Variants in CHST4 observed in about 807,000 individuals in gnomAD.
CHST4 encodes the protein carbohydrate sulfotransferase 4, also known as GST-3.
For missense variants in CHST4, 466 were observed against 506.0 expected, an observed-to-expected ratio of 0.92 and a Z score of 0.76; for synonymous variants, 171 against 195.5, an observed-to-expected ratio of 0.87 and a Z score of 1.05.
intron 1 of CHST4, among the ~76,000 whole-genome samples, chr16:71,529,661 CACTT>C (rs1403890272): frequency 2.1e-5 from 3 of 142,444 alleles, no homozygotes; most frequent in Non-Finnish European, 4.5e-5. Context: ...TCTATTTACT[CACTT>C]ACTCATTTAT....
In CHST4 at chr16:71,538,452, A is replaced by G. The variant is rs2044010595; in HGVS notation, c.*614A>G. ...TATCACTTCCCCTCTGCATTTTCCC[A>G]TCACATAGAAGACTTTGACCTGTGA... is the stretch of plus-strand genomic sequence containing the variant. On this transcript the variant is annotated 3_prime_UTR_variant, in exon 2 of 2. Transcript: ENST00000539698. The G allele has an allele frequency of 6.0e-6, 1 of 167,250 alleles. No individual in the cohort carries two copies. The highest frequency in any genetic ancestry group is 1.5e-5 in the Non-Finnish European group (1 of 68,228). 10.4% of individuals were successfully genotyped at this position (167,250 alleles called of 1,614,324 possible).
chr16:71,533,237 T>C (rs2043961155), intron 1 of CHST4, among the ~76,000 whole-genome samples: 1 of 151,728 alleles, frequency 6.6e-6, no homozygotes, highest in Admixed American at 6.6e-5. Context: ...CCAGCCTGGC[T>C]AACATGGTGA....
upstream of CHST4, chr16:71,526,295 T>C (rs1253774921): frequency 6.6e-6 from 1 of 152,256 alleles, no homozygotes; most frequent in African/African-American, 2.4e-5. Flanking sequence ...GAGTGCTTTC[T>C]CAAGCCCGTC....
Position 71,536,917 on chromosome 16 carries a change from G to A in CHST4, c.240G>A (p.Met80Ile), listed in dbSNP as rs2043993319. The A allele has an allele frequency of 6.2e-7, 1 of 1,606,836 alleles. No homozygotes were observed. The highest frequency in any genetic ancestry group is 8.5e-7 in the Non-Finnish European group (1 of 1,175,120). Residue 80 changes from methionine to isoleucine, a missense_variant, in exon 2 of 2, where the codon ATG becomes ATA. Coordinates refer to ENST00000539698, the MANE Select transcript of CHST4 (RefSeq NM_001166395.2). ...YLMEPAWHVW[M>I]TFKQSTAWML... The stretch of plus-strand genomic sequence containing the variant: ...TGGAGCCCGCCTGGCACGTGTGGAT[G>A]ACCTTCAAGCAGAGCACCGCCTGGA...
At chr16:71,535,954 CTT>C (rs2043984812) in intron 1 of CHST4, among the ~76,000 whole-genome samples, 1 of 152,144 alleles carries the variant, frequency 6.6e-6, no homozygotes, top group Non-Finnish European at 1.5e-5. Flanking sequence ...TAGACGTAGA[CTT>C]TTCACTCTAC....
chr16:71,527,321 AGCCAAATATGAGTGACCATG>A (rs1182305365), intron 1 of CHST4, among the ~76,000 whole-genome samples: 1 of 152,232 alleles, frequency 6.6e-6, no homozygotes, highest in Non-Finnish European at 1.5e-5. Context: ...ATTTATTCTG[AGCCAAATATGAGTGACCATG>A]GCCGGTGACA....
intron 1 of CHST4, among the ~76,000 whole-genome samples, chr16:71,534,138 C>T (rs1401320894): frequency 6.6e-6 from 1 of 151,970 alleles, no homozygotes; most frequent in Non-Finnish European, 1.5e-5. Flanking sequence ...TCCTTTCCCT[C>T]CTGCATACAG....
At chr16:71,533,222 C>T (rs1193560124) in intron 1 of CHST4, among the ~76,000 whole-genome samples, 2 of 151,736 alleles carry the variant, frequency 1.3e-5, no homozygotes, top group Admixed American at 6.6e-5. Context: ...GTCAGGAGTT[C>T]GAGACCAGCC....
chr16:71,530,346 A>G (rs2043938784), intron 1 of CHST4, among the ~76,000 whole-genome samples: 1 of 152,210 alleles, frequency 6.6e-6, no homozygotes, highest in Non-Finnish European at 1.5e-5. Flanking sequence ...GAAGGGAGTG[A>G]CAGGAAATCA....
rs565739831 is a variant in CHST4, at chr16:71,538,014, T to C, written c.*176T>C. 3.2e-6 allele frequency: 2 copies of C among 633,034 alleles called. No individual in the cohort carries two copies. The highest frequency in any genetic ancestry group is 3.0e-5 in the Admixed American group (1 of 33,040). The allele number at this position is 633,034 out of a possible 1,614,324, so 39.2% of individuals were successfully genotyped here. ...GGACTTTTGTGTCCATGCTTGTGTC[T>C]AGAAAACAGACTGGGGAACCTTATG... On this transcript the variant is annotated 3_prime_UTR_variant, in exon 2 of 2. Transcript: ENST00000539698.
At position 71,537,273 on chromosome 16, in the gene CHST4, A is replaced by G. The variant is rs769477251; in HGVS notation, c.596A>G (p.His199Arg). Residue 199 changes from histidine to arginine, a missense_variant, in exon 2 of 2, where the codon CAT (histidine) becomes CGT (arginine). His to Arg is a conservative substitution (Grantham distance 29). Coordinates refer to ENST00000539698, the MANE Select transcript of CHST4 (RefSeq NM_001166395.2). The surrounding 1 kb of genome is among the most constrained non-coding windows in gnomAD (Gnocchi z 4.2). The stretch of plus-strand genomic sequence containing the variant: ...CTGAAAGACCCCTCCCTCAACCTGC[A>G]TATCGTGCACCTGGTCCGGGACCCC... ...PLLKDPSLNLHIVHLVRDPRA... is the reference protein window; with the variant it reads ...PLLKDPSLNLRIVHLVRDPRA... 16 of 1,613,990 alleles carry G rather than the reference A, an allele frequency of 9.9e-6. No individual in the cohort carries two copies. The highest frequency in any genetic ancestry group is 1.7e-5 in the Admixed American group (1 of 59,982).
At position 71,537,795 on chromosome 16, in the gene CHST4, TG is replaced by T. The variant is rs761244699; in HGVS notation, c.1120del (p.Asp374IlefsTer32). 9 of 1,614,106 alleles carry T rather than the reference TG, an allele frequency of 5.6e-6. No homozygotes were observed. The South Asian group carries it at 9.9e-5, about 18-fold the overall frequency. On this transcript the variant is annotated frameshift_variant, in exon 2 of 2. Transcript: ENST00000539698. LOFTEE classifies it low-confidence loss of function (END_TRUNC). This position sits in a 1 kb window ranked among gnomAD's most constrained non-coding sequence, Gnocchi z 4.2. ...RSEQEQRNLL[L>X]DLLSTWTVPE... ...GAACAAGAACAGAGAAACCTGTTGC[TG>T]GATCTTCTGTCTACCTGGACTGTCC... is the stretch of plus-strand genomic sequence containing the variant.
chr16:71,528,927 C>G (rs930836145), intron 1 of CHST4, among the ~76,000 whole-genome samples: 7 of 152,312 alleles, frequency 4.6e-5, no homozygotes, highest in African/African-American at 1.4e-4. Context: ...CTTCTCACCA[C>G]CCTTTGGTGG....
chr16:71,536,011 C>T (rs1474471615), intron 1 of CHST4, among the ~76,000 whole-genome samples: 1 of 152,174 alleles, frequency 6.6e-6, no homozygotes, highest in Non-Finnish European at 1.5e-5. Flanking sequence ...ATGACAGGCA[C>T]CATGAGCACC....
chr16:71,533,868 C>T lies in CHST4; in HGVS notation c.-18-2792C>T, dbSNP rs377309303. On this transcript the variant is annotated intron_variant, in intron 1 of 1. Coordinates refer to ENST00000539698, the MANE Select transcript of CHST4 (RefSeq NM_001166395.2). ...ACCATCCCAGTCAACATGGTGAAGC[C>T]CCATCTCTACTAAAATACAAAAAAT... Among the ~76,000 whole-genome samples the T allele has an allele frequency of 4.0e-5, 6 of 151,760 alleles. No homozygotes were observed. In the East Asian group the frequency reaches 5.9e-4, roughly 15 times the overall value.
intron 1 of CHST4, among the ~76,000 whole-genome samples, chr16:71,532,342 C>T (rs200118495): frequency 2.6e-5 from 4 of 152,076 alleles, no homozygotes; most frequent in Non-Finnish European, 4.4e-5. Context: ...CCACCATGCC[C>T]GGCCTAGCTG....
chr16:71,532,716 C>G (rs969684270), intron 1 of CHST4, among the ~76,000 whole-genome samples: 2 of 152,158 alleles, frequency 1.3e-5, no homozygotes, highest in African/African-American at 4.8e-5. Context: ...TCTCTGGAGC[C>G]CTGGACGTAG....
At chr16:71,532,895 T>C (rs1306353805) in intron 1 of CHST4, among the ~76,000 whole-genome samples, 1 of 152,190 alleles carries the variant, frequency 6.6e-6, no homozygotes, top group Non-Finnish European at 1.5e-5. Context: ...AAATAAACTG[T>C]GGTTAATCCA....
upstream of CHST4, chr16:71,526,410 G>A (rs918864164): frequency 6.6e-6 from 1 of 152,470 alleles, no homozygotes; most frequent in Admixed American, 6.5e-5. Context: ...GAAGCCAAGA[G>A]GGGAGTTGGT....
Sources: allele counts gnomAD v4.1 joint callset (sites outside exome capture counted in the v4.1 genomes callset), GRCh38; gene constraint gnomAD v4.1.1; non-coding constraint Gnocchi (gnomAD v3.1); transcripts MANE v1.5; gene names NCBI Gene and HGNC (gene_info 2026-07-23, HGNC 2026-07-21).